The following MYO15A variants were observed in gnomAD, a reference collection of about 807,000 sequenced individuals.
MYO15A encodes the protein unconventional myosin-XV.
A neutral mutation model predicts 394.6 loss-of-function variants in MYO15A; 308 were observed. The ratio of observed to expected loss-of-function variants is 0.78; its 90% CI spans 0.71 to 0.86. MYO15A has a LOEUF of 0.86. MYO15A is among the 40% of genes least tolerant of loss of function. The pLI is 0.00. For missense variants in MYO15A, 4,606 were observed against 4,799.1 expected (o/e 0.96, Z 1.19); for synonymous variants, 1,957 against 2,003.8 (o/e 0.98, Z 0.62).
At position 18,148,746 on chromosome 17, in the gene MYO15A, G is replaced by A. The variant is rs1350435513; in HGVS notation, c.6765-15G>A. Reference sequence around the variant, plus strand: ...CTCTGTCCCTCATTTCCATTCCTGTGCATGCCATCACCAGGGGGCTGGCAG... The same window carrying A: ...CTCTGTCCCTCATTTCCATTCCTGTACATGCCATCACCAGGGGGCTGGCAG... On this transcript the variant is annotated splice_polypyrimidine_tract_variant and intron_variant, in intron 32 of 65. Coordinates refer to ENST00000647165, the MANE Select transcript of MYO15A (RefSeq NM_016239.4). This position sits in a 1 kb window ranked among gnomAD's most constrained non-coding sequence, Gnocchi z 4.8. The A allele has an allele frequency of 1.3e-6, 2 of 1,586,238 alleles. No individual in the cohort carries two copies. The highest frequency in any genetic ancestry group is 3.5e-5 in the Admixed American group (2 of 57,160).
chr17:18,151,205 A>C lies in MYO15A; in HGVS notation c.7569A>C (p.Pro2523=). ...GTGCCACTCCAAAGCCCTTGGCCCC[A>C]GCCCCTCTGGCCAAGGCTCCAAGGC... The part of the protein sequence containing the change: ...LLRATPKPLA[P]APLAKAPRLP... The change falls in exon 39 of 66, where the codon CCA becomes CCC. Residue 2523 remains proline, a synonymous_variant. Coordinates refer to ENST00000647165, the MANE Select transcript of MYO15A (RefSeq NM_016239.4). 6.2e-7 allele frequency: 1 copy of C among 1,614,136 alleles called. No homozygotes were observed. Among genetic ancestry groups the C allele is most frequent in the Non-Finnish European group, 8.5e-7 (1 of 1,180,024 alleles).
intron 62 of MYO15A, among the ~76,000 whole-genome samples, chr17:18,170,621 A>C (rs1185428055): frequency 1.3e-5 from 2 of 151,826 alleles, no homozygotes; most frequent in African/African-American, 2.4e-5. Context: ...TAGCCTCCCA[A>C]AGTGTTGAGA....
chr17:18,131,151 T>C (rs2046154658), intron 8 of MYO15A, 88 bp from the exon 9 acceptor site: 10 of 1,229,396 alleles, frequency 8.1e-6, no homozygotes, highest in Non-Finnish European at 1.2e-5. Flanking sequence ...GGAAGGCTCA[T>C]GTCTGGGTGT....
At chr17:18,174,900 G>A (rs1402178202) in intron 65 of MYO15A, among the ~76,000 whole-genome samples, 1 of 152,110 alleles carries the variant, frequency 6.6e-6, no homozygotes, top group African/African-American at 2.4e-5. Context: ...GCCTCTGAGG[G>A]ACAGGACCAG....
Position 18,129,812 on chromosome 17 carries a change from G to C in MYO15A, c.4033-993G>C, listed in dbSNP as rs149348939. Among the ~76,000 whole-genome samples the C allele has an allele frequency of 1.9e-3, 291 of 152,316 alleles. 1 individual carries two copies. Among genetic ancestry groups the C allele is most frequent in the African/African-American group, 6.8e-3 (283 of 41,566 alleles). ...ACACAGTAGGTGCTTAAATAGGTGG[G>C]AGCTTGTGATCAGCCATGGTCACCC... On this transcript the variant is annotated intron_variant, in intron 7 of 65. Coordinates refer to ENST00000647165, the MANE Select transcript of MYO15A (RefSeq NM_016239.4).
chr17:18,118,933 C>G lies in MYO15A; in HGVS notation c.133C>G (p.Pro45Ala), dbSNP rs1164143800. 1.2e-6 allele frequency: 2 copies of G among 1,613,714 alleles called. No homozygotes were observed. The highest frequency in any genetic ancestry group is 1.7e-4 in the Middle Eastern group (1 of 6,058). Residue 45 changes from proline (P) to alanine (A), a missense_variant, in exon 2 of 66, where the codon CCC (proline) becomes GCC (alanine). Physicochemically the swap from Pro to Ala is conservative, Grantham distance 27. Around this residue, in one of 2 missense-constraint regions of MYO15A, gnomAD observed 1,830 missense variants for 1,689.7 expected, o/e 1.08. Transcript: ENST00000647165. ...RLFMGFRDRT[P>A]KISKKGQFRS... is the part of the protein sequence containing the mutation. The stretch of plus-strand genomic sequence containing the variant: ...GTTCATGGGCTTCCGCGACCGTACA[C>G]CCAAGATCTCCAAGAAGGGCCAGTT...
At chr17:18,140,431 G>A (rs1019263998) in intron 19 of MYO15A, 86 bp from the exon 20 acceptor site, 81 of 1,579,126 alleles carry the variant, frequency 5.1e-5, no homozygotes, top group African/African-American at 3.6e-4. Flanking sequence ...CCCCTGGTCC[G>A]GAGATTTACT....
intron 6 of MYO15A, 29 bp downstream of exon 6, chr17:18,126,894 A>C (rs762967873): frequency 1.5e-4 from 243 of 1,612,832 alleles, no homozygotes; most frequent in Non-Finnish European, 1.5e-4. Context: ...TGTGGGGGAT[A>C]AATGGGGGAC....
rs1232848021 is a variant in MYO15A at position 18,150,786 on chromosome 17, TG to T, written c.7395+27del. Reference sequence around the variant, plus strand: ...TGCTGGTGAGTGAGGGAGGGACTGCTGGGGGGTGGAGAATGGACCTGCCTGG... The same window carrying T: ...TGCTGGTGAGTGAGGGAGGGACTGCTGGGGGTGGAGAATGGACCTGCCTGG... On this transcript the variant is annotated intron_variant, in intron 37 of 65. Transcript: ENST00000647165. The surrounding 1 kb of genome is among the most constrained non-coding windows in gnomAD (Gnocchi z 4.4). 4 of 1,581,260 alleles carry T rather than the reference TG, an allele frequency of 2.5e-6. No individual in the cohort carries two copies. The highest frequency in any genetic ancestry group is 2.6e-6 in the Non-Finnish European group (3 of 1,162,780).
At chr17:18,169,148 TAATAATAATAAA>T (rs1192168084) in intron 62 of MYO15A, among the ~76,000 whole-genome samples, 150 of 137,836 alleles carry the variant, frequency 1.1e-3, no homozygotes, top group African/African-American at 1.5e-3. Context: ...ATAATAATAA[TAATAATAATAAA>T]AATAGGCTGG....
At position 18,132,648 on chromosome 17, in the gene MYO15A, T is replaced by G; in HGVS notation, c.4320+82T>G. On this transcript the variant is annotated intron_variant, in intron 11 of 65. Transcript: ENST00000647165. This position sits in a 1 kb window ranked among gnomAD's most constrained non-coding sequence, Gnocchi z 4.6. ...CCTGGCTGGGCCTTGGGAGCCGAGT[T>G]GTGAGTGATGGAGTGTGAAGGTGAA... 1 of 1,110,788 alleles carries G rather than the reference T, an allele frequency of 9.0e-7. No homozygotes were observed. Among genetic ancestry groups the G allele is most frequent in the Non-Finnish European group, 1.4e-6 (1 of 739,686 alleles). The allele number at this position is 1,110,788 out of a possible 1,614,324, so 68.8% of individuals were successfully genotyped here.
chr17:18,134,021 C>T (rs995344593), intron 12 of MYO15A, among the ~76,000 whole-genome samples: 2 of 151,046 alleles, frequency 1.3e-5, no homozygotes, highest in African/African-American at 4.9e-5. Flanking sequence ...GATGGAGTCT[C>T]GCCCTGTCGC....
rs771092867 is a variant in MYO15A at position 18,119,771 on chromosome 17, C to T, written c.971C>T (p.Ser324Phe). The T allele has an allele frequency of 6.2e-7, 1 of 1,613,028 alleles. No individual in the cohort carries two copies. The highest frequency in any genetic ancestry group is 1.1e-5 in the South Asian group (1 of 91,090). ...PPYAPPSGYS[S>F]PYSYHDGYEG... ...TATGCGCCCCCGTCGGGGTACTCGT[C>T]TCCTTACAGCTACCACGATGGGTAC... Residue 324 changes from serine (S) to phenylalanine (F), a missense_variant, in exon 2 of 66, where the codon TCT (serine) becomes TTT (phenylalanine). By Grantham distance (155) the Ser-to-Phe change is radical. Around this residue, in one of 2 missense-constraint regions of MYO15A, gnomAD observed 1,830 missense variants for 1,689.7 expected, o/e 1.08. Transcript: ENST00000647165.
chr17:18,146,748 GA>G (rs1461469570), intron 30 of MYO15A, among the ~76,000 whole-genome samples: 1 of 152,132 alleles, frequency 6.6e-6, no homozygotes, highest in African/African-American at 2.4e-5. Context: ...AATGTATTGA[GA>G]CCTTGTCTCT....
At chr17:18,175,070 T>A (rs1249952007) in intron 65 of MYO15A, among the ~76,000 whole-genome samples, 1 of 148,256 alleles carries the variant, frequency 6.7e-6, no homozygotes, top group Non-Finnish European at 1.5e-5. Context: ...TCTGTGGTGT[T>A]CTCCTACCTC....
chr17:18,140,216 C>A (rs924306640), intron 19 of MYO15A, among the ~76,000 whole-genome samples: 5 of 152,188 alleles, frequency 3.3e-5, no homozygotes, highest in Admixed American at 6.5e-5. Flanking sequence ...AGGTCATAGC[C>A]AGAGTTCACA....
chr17:18,142,187 C>T lies in MYO15A; in HGVS notation c.5758C>T (p.Arg1920Trp), dbSNP rs771986838. Residue 1920 changes from arginine (R) to tryptophan (W), a missense_variant, in exon 24 of 66, where the codon CGG becomes TGG. Coordinates refer to ENST00000647165, the MANE Select transcript of MYO15A (RefSeq NM_016239.4). ...CTGCCTCCGTGGCTTCTTCATTAAG[C>T]GGCGATTCCGCTCTCTGCGCCACAA... The part of the protein sequence containing the change: ...QRCLRGFFIK[R>W]RFRSLRHKII... The T allele has an allele frequency of 9.9e-6, 16 of 1,613,774 alleles. No homozygotes were observed. Among genetic ancestry groups the T allele is most frequent in the African/African-American group, 8.0e-5 (6 of 75,052 alleles).
At chr17:18,124,286 G>A (rs948849505) in intron 2 of MYO15A, 197 bp from the exon 3 acceptor site, 16 of 654,026 alleles carry the variant, frequency 2.4e-5, no homozygotes, top group African/African-American at 7.1e-5. Context: ...GAGGGTATGC[G>A]TGTGTCTCAT....
intron 18 of MYO15A, chr17:18,139,281 T>C: frequency 1.6e-6 from 1 of 610,926 alleles, no homozygotes; most frequent in African/African-American, 1.8e-5. Flanking sequence ...TAGGATTCCA[T>C]GCCTCTGTCC....
Sources: allele counts gnomAD v4.1 joint callset (sites outside exome capture counted in the v4.1 genomes callset), GRCh38; gene constraint gnomAD v4.1.1; regional missense constraint gnomAD v4.1.1; non-coding constraint Gnocchi (gnomAD v3.1); transcripts MANE v1.5; gene names NCBI Gene and HGNC (gene_info 2026-07-23, HGNC 2026-07-21).